The following PCDHGA4 variants were observed in gnomAD, a reference collection of about 807,000 sequenced individuals.
The protein encoded by PCDHGA4 is protocadherin gamma-A4.
PCDHGA4 carries 38 observed loss-of-function variants against 54.6 expected under a neutral mutation model. The observed-to-expected ratio is 0.70, with a 90% confidence interval of 0.54 to 0.91. The LOEUF is 0.91. Ranked by LOEUF, PCDHGA4 falls within the 40% of genes least tolerant of loss-of-function variation. The probability of loss-of-function intolerance (pLI) is 0.00; values close to 1 mark genes in which losing one functional copy is unlikely to be tolerated. For synonymous variants in PCDHGA4, 511 were observed against 512.9 expected (o/e 1.00, Z 0.05); for missense variants, 1,298 against 1,220.9 (o/e 1.06, Z -0.94).
At chr5:141,362,328 C>G (rs1351863626) in intron 1 of PCDHGA4, 1 of 1,613,950 alleles carries the variant, frequency 6.2e-7, no homozygotes. Context: ...AGCCTGGTCT[C>G]AGCTCCAAGC....
rs1272109802 is a variant in PCDHGA4 at position 141,403,110 on chromosome 5, C to G, written c.2514+45489C>G. The G allele has an allele frequency of 6.2e-7, 1 of 1,614,084 alleles. No individual in the cohort carries two copies. The highest frequency in any genetic ancestry group is 1.7e-5 in the Admixed American group (1 of 60,032). The stretch of plus-strand genomic sequence containing the variant: ...GTGGGCAACATCTCCAAGGACCTGG[C>G]TCTGGAGCCCCGGGAGCTGGCGGAG... On this transcript the variant is annotated intron_variant, in intron 1 of 3. Transcript: ENST00000571252.
chr5:141,383,143 G>A (rs371358932), intron 1 of PCDHGA4: 2 of 1,613,972 alleles, frequency 1.2e-6, no homozygotes, highest in Non-Finnish European at 8.5e-7. Context: ...CCAGCGCAGC[G>A]GCAGCTTGGT....
intron 1 of PCDHGA4, among the ~76,000 whole-genome samples, chr5:141,466,965 C>G (rs1345790988): frequency 6.6e-6 from 1 of 152,016 alleles, no homozygotes; most frequent in African/African-American, 2.4e-5. Context: ...CAAATATTTT[C>G]TCACAGCTCA....
intron 1 of PCDHGA4, chr5:141,441,447 C>T: frequency 6.2e-6 from 1 of 161,550 alleles, no homozygotes. Flanking sequence ...CCAGCCCAAG[C>T]ATCACCCTAC....
Position 141,408,306 on chromosome 5 carries a change from A to C in PCDHGA4, c.2514+50685A>C, listed in dbSNP as rs866086431. On this transcript the variant is annotated intron_variant, in intron 1 of 3. Transcript: ENST00000571252. Reference sequence around the variant, plus strand: ...CCCACCCTGAGTGAGCCGATCCGCTACTCGATTCCGGAGGAGCTGGCCAAG... The same window carrying C: ...CCCACCCTGAGTGAGCCGATCCGCTCCTCGATTCCGGAGGAGCTGGCCAAG... The C allele has an allele frequency of 1.2e-6, 2 of 1,613,586 alleles. No homozygotes were observed. Among genetic ancestry groups the C allele is most frequent in the South Asian group, 1.1e-5 (1 of 91,062 alleles).
intron 1 of PCDHGA4, chr5:141,422,988 C>T: frequency 6.2e-7 from 1 of 1,614,232 alleles, no homozygotes; most frequent in Non-Finnish European, 8.5e-7. Context: ...AACCTGGCTA[C>T]CTGGTGACCA....
At chr5:141,468,953 T>G (rs182999574) in intron 1 of PCDHGA4, among the ~76,000 whole-genome samples, 1,938 of 89,156 alleles carry the variant, frequency 0.022, 22 homozygotes, top group Non-Finnish European at 0.033. Flanking sequence ...AAACCTGTGG[T>G]TTTTTTTACC....
At chr5:141,404,675 G>A (rs1048688884) in intron 1 of PCDHGA4, 2 of 1,614,200 alleles carry the variant, frequency 1.2e-6, no homozygotes, top group Non-Finnish European at 1.7e-6. Flanking sequence ...TTCTACTGGT[G>A]TGGAGCTGGC....
At chr5:141,387,557 G>A in intron 1 of PCDHGA4, 1 of 416,144 alleles carries the variant, frequency 2.4e-6, no homozygotes. Flanking sequence ...TTTCAGTTAG[G>A]CACACAATTA....
intron 1 of PCDHGA4, among the ~76,000 whole-genome samples, chr5:141,401,851 T>C (rs902809229): frequency 3.9e-5 from 6 of 152,242 alleles, no homozygotes; most frequent in African/African-American, 1.4e-4. Context: ...CACTTACTTT[T>C]AACCTTTCAG....
intron 1 of PCDHGA4, among the ~76,000 whole-genome samples, chr5:141,482,530 C>CAAAAAAAAAAAAA (rs3074545): frequency 3.9e-5 from 3 of 76,560 alleles, no homozygotes; most frequent in African/African-American, 9.6e-5. Context: ...GACAGACATG[C>CAAAAAAAAAAAAA]AAAAAAAAAA....
At chr5:141,397,507 T>C (rs2093532297) in intron 1 of PCDHGA4, among the ~76,000 whole-genome samples, 1 of 152,222 alleles carries the variant, frequency 6.6e-6, no homozygotes, top group Non-Finnish European at 1.5e-5. Flanking sequence ...GATAAAATTG[T>C]TTCCATAGCT....
At chr5:141,438,583 CAT>C (rs1561889590) in intron 1 of PCDHGA4, among the ~76,000 whole-genome samples, 4 of 57,610 alleles carry the variant, frequency 6.9e-5, no homozygotes, top group African/African-American at 3.6e-4. Flanking sequence ...TACATACATA[CAT>C]ACATACATAT....
intron 1 of PCDHGA4, among the ~76,000 whole-genome samples, chr5:141,465,907 G>C (rs1367648934): frequency 6.6e-6 from 1 of 152,056 alleles, no homozygotes; most frequent in East Asian, 1.9e-4. Flanking sequence ...CAAATCACGA[G>C]GTCAGGATTT....
chr5:141,456,383 T>G (rs1372337704), intron 1 of PCDHGA4, among the ~76,000 whole-genome samples: 4 of 152,130 alleles, frequency 2.6e-5, no homozygotes, highest in Admixed American at 2.6e-4. Flanking sequence ...ACAGCACCGT[T>G]TGGAGTTTGA....
In PCDHGA4 at chr5:141,432,582, T is replaced by A. The variant is rs1561862595; in HGVS notation, c.2515-62225T>A. 2 of 1,613,236 alleles carry A rather than the reference T, an allele frequency of 1.2e-6. No homozygotes were observed. The highest frequency in any genetic ancestry group is 1.7e-6 in the Non-Finnish European group (2 of 1,179,922). On this transcript the variant is annotated intron_variant, in intron 1 of 3. Transcript: ENST00000571252. This position sits in a 1 kb window ranked among gnomAD's most constrained non-coding sequence, Gnocchi z 6.0. ...CAGAACGCCTGGCTGTCCTACCGTC[T>A]GCTCAAGGCCAGCGAGCCGGGACTC...
At chr5:141,393,243 G>A in intron 1 of PCDHGA4, 4 of 1,613,784 alleles carry the variant, frequency 2.5e-6, no homozygotes, top group Non-Finnish European at 3.4e-6. Flanking sequence ...AAAAATTAAC[G>A]AAATCGCGGT....
chr5:141,371,456 A>T (rs755481962), intron 1 of PCDHGA4: 2 of 1,613,902 alleles, frequency 1.2e-6, no homozygotes, highest in African/African-American at 2.7e-5. Flanking sequence ...CTGAATCCCA[A>T]CATATACAAG....
chr5:141,376,736 G>T (rs1158010904), intron 1 of PCDHGA4: 1 of 522,720 alleles, frequency 1.9e-6, no homozygotes, highest in Non-Finnish European at 3.2e-6. Flanking sequence ...CCGGACTGCG[G>T]ACTGCAGTGG....
Sources: allele counts gnomAD v4.1 joint callset (sites outside exome capture counted in the v4.1 genomes callset), GRCh38; gene constraint gnomAD v4.1.1; non-coding constraint Gnocchi (gnomAD v3.1); transcripts MANE v1.5; gene names NCBI Gene and HGNC (gene_info 2026-07-23, HGNC 2026-07-21).